GRID2: variants seen among roughly 807,000 people sequenced by gnomAD.
GRID2 encodes glutamate ionotropic receptor delta type subunit 2, also known as glutamate receptor ionotropic, delta-2.
A neutral mutation model predicts 114.8 loss-of-function variants in GRID2; 33 were observed. That is an observed-to-expected ratio of 0.29 (90% confidence interval 0.22 to 0.38). The LOEUF is 0.38. Ranked by LOEUF, GRID2 falls within the 10% of genes least tolerant of loss-of-function variation. The pLI, the probability that GRID2 is intolerant of heterozygous loss-of-function variation, is 1.00. For missense variants in GRID2, 1,184 were observed against 1,257.7 expected (o/e 0.94, Z 0.89); for synonymous variants, 505 against 449.9 (o/e 1.12, Z -1.55).
intron 2 of GRID2, among the ~76,000 whole-genome samples, chr4:92,767,438 T>C (rs1438753239): frequency 1.3e-5 from 2 of 152,158 alleles, no homozygotes; most frequent in Non-Finnish European, 2.9e-5. Context: ...TTTACTTTGA[T>C]AATCCATAAA....
At chr4:92,530,941 C>A (rs1277400649) in intron 1 of GRID2, among the ~76,000 whole-genome samples, 2 of 151,406 alleles carry the variant, frequency 1.3e-5, no homozygotes, top group Non-Finnish European at 2.9e-5. Context: ...TAAAACAATT[C>A]CCAAATTTGA....
chr4:92,866,220 G>A lies in GRID2; in HGVS notation c.245-218775G>A, dbSNP rs576848295. On this transcript the variant is annotated intron_variant, in intron 2 of 15. Coordinates refer to ENST00000282020, the MANE Select transcript of GRID2 (RefSeq NM_001510.4). ...TTTACAGTCCATCATCACTCAAATT[G>A]TTGATACAGACATAGATGGCCTTAC... Among the ~76,000 whole-genome samples, 41 of 152,238 alleles carry A rather than the reference G, an allele frequency of 2.7e-4. 1 individual carries two copies. The highest frequency in any genetic ancestry group is 9.6e-4 in the African/African-American group (40 of 41,562).
At chr4:92,825,311 G>A (rs1472048265) in intron 2 of GRID2, among the ~76,000 whole-genome samples, 1 of 152,112 alleles carries the variant, frequency 6.6e-6, no homozygotes, top group South Asian at 2.1e-4. Flanking sequence ...CTGTTGAGAA[G>A]AATCCAGACT....
Position 92,795,880 on chromosome 4 carries a change from C to A in GRID2, c.244+205594C>A, listed in dbSNP as rs1166592647. ...ATTAGCTCTTCAATTCCTCCAAGAT[C>A]CCTATGTTGAAACCCTTCACCTCCC... On this transcript the variant is annotated intron_variant, in intron 2 of 15. Coordinates refer to ENST00000282020, the MANE Select transcript of GRID2 (RefSeq NM_001510.4). 2.6e-5 allele frequency among the ~76,000 whole-genome samples: 4 copies of A among 152,052 alleles called. No homozygotes were observed. The East Asian group carries it at 5.8e-4, about 22-fold the overall frequency.
intron 2 of GRID2, among the ~76,000 whole-genome samples, chr4:92,806,018 T>C (rs546191771): frequency 6.6e-6 from 1 of 151,960 alleles, no homozygotes; most frequent in Non-Finnish European, 1.5e-5. Context: ...TGTTCAAATA[T>C]ATACAAATTC....
intron 1 of GRID2, among the ~76,000 whole-genome samples, chr4:92,375,139 T>C (rs1429446454): frequency 6.6e-6 from 1 of 152,146 alleles, no homozygotes; most frequent in Non-Finnish European, 1.5e-5. Context: ...AATCAAATCA[T>C]GGGACTGTGG....
intron 8 of GRID2, among the ~76,000 whole-genome samples, chr4:93,249,029 G>T (rs1271313477): frequency 1.3e-5 from 2 of 152,014 alleles, no homozygotes; most frequent in African/African-American, 4.8e-5. Flanking sequence ...TGAAACTTTG[G>T]GTTGGCTGGG....
intron 2 of GRID2, among the ~76,000 whole-genome samples, chr4:93,024,344 T>C (rs768834081): frequency 6.6e-6 from 1 of 151,718 alleles, no homozygotes; most frequent in Non-Finnish European, 1.5e-5. Flanking sequence ...TTCTCAGAAG[T>C]TGTAGGAATA....
At chr4:92,425,237 G>A (rs1246545895) in intron 1 of GRID2, among the ~76,000 whole-genome samples, 1 of 151,954 alleles carries the variant, frequency 6.6e-6, no homozygotes, top group African/African-American at 2.4e-5. Context: ...TCTTTGAAGT[G>A]TGCTAAAGGG....
chr4:92,944,091 C>G (rs1452214669), intron 2 of GRID2, among the ~76,000 whole-genome samples: 1 of 152,142 alleles, frequency 6.6e-6, no homozygotes, highest in Non-Finnish European at 1.5e-5. Context: ...TGCTGGGAAC[C>G]ACTACTCTCT....
At chr4:92,804,313 G>T (rs1740311944) in intron 2 of GRID2, among the ~76,000 whole-genome samples, 1 of 151,848 alleles carries the variant, frequency 6.6e-6, no homozygotes, top group South Asian at 2.1e-4. Flanking sequence ...TTCAAAGGAT[G>T]GATATAATTC....
chr4:92,630,779 A>G (rs1465294387), intron 2 of GRID2, among the ~76,000 whole-genome samples: 1 of 152,132 alleles, frequency 6.6e-6, no homozygotes, highest in Non-Finnish European at 1.5e-5. Flanking sequence ...GGAAGAAAAT[A>G]CATTACGGAG....
intron 14 of GRID2, among the ~76,000 whole-genome samples, chr4:93,710,263 G>A (rs1000007656): frequency 9.2e-5 from 14 of 152,104 alleles, no homozygotes; most frequent in East Asian, 5.8e-4. Flanking sequence ...TTAAATCTTC[G>A]GTCAATGCAG....
chr4:92,621,461 G>A (rs749399325), intron 2 of GRID2, among the ~76,000 whole-genome samples: 21 of 151,920 alleles, frequency 1.4e-4, no homozygotes, highest in Non-Finnish European at 2.4e-4. Context: ...TTATTTTGGT[G>A]TGGTTATTTT....
At chr4:93,261,103 T>C (rs946536014) in intron 8 of GRID2, among the ~76,000 whole-genome samples, 3 of 151,746 alleles carry the variant, frequency 2.0e-5, no homozygotes, top group African/African-American at 7.2e-5. Context: ...TCAACAAACA[T>C]AGATCTTTCT....
At chr4:92,467,184 G>C (rs1721801762) in intron 1 of GRID2, among the ~76,000 whole-genome samples, 2 of 151,830 alleles carry the variant, frequency 1.3e-5, no homozygotes, top group Admixed American at 1.3e-4. Flanking sequence ...TTTTTCAAAT[G>C]TGAAAATACC....
At position 92,829,570 on chromosome 4, in the gene GRID2, C is replaced by A. The variant is rs1178611678; in HGVS notation, c.244+239284C>A. On this transcript the variant is annotated intron_variant, in intron 2 of 15. Coordinates refer to ENST00000282020, the MANE Select transcript of GRID2 (RefSeq NM_001510.4). ...TAGAACCAAATACCATTTGACCCAG[C>A]AATCCCATTATTGGGTATATACCCA... Among the ~76,000 whole-genome samples the A allele has an allele frequency of 2.0e-5, 3 of 152,116 alleles. 1 individual carries two copies. Among genetic ancestry groups the A allele is most frequent in the Non-Finnish European group, 4.4e-5 (3 of 68,018 alleles).
At chr4:92,578,442 A>G (rs534477808) in intron 1 of GRID2, among the ~76,000 whole-genome samples, 13 of 151,840 alleles carry the variant, frequency 8.6e-5, no homozygotes, top group African/African-American at 2.4e-4. Flanking sequence ...TACAAAGGAC[A>G]TGAACTCATC....
chr4:92,992,307 A>G (rs1754957013), intron 2 of GRID2, among the ~76,000 whole-genome samples: 1 of 152,132 alleles, frequency 6.6e-6, no homozygotes, highest in South Asian at 2.1e-4. Context: ...TGGATGATAA[A>G]TATTGTTTCA....
Sources: allele counts gnomAD v4.1 joint callset (sites outside exome capture counted in the v4.1 genomes callset), GRCh38; gene constraint gnomAD v4.1.1; transcripts MANE v1.5; gene names NCBI Gene and HGNC (gene_info 2026-07-23, HGNC 2026-07-21).